Variants in CCSER1 observed in about 807,000 individuals in gnomAD.
CCSER1 encodes coiled-coil serine rich protein 1.
A neutral mutation model predicts 82.0 loss-of-function variants in CCSER1; 41 were observed. The ratio of observed to expected loss-of-function variants is 0.50; its 90% confidence interval spans 0.39 to 0.65. The LOEUF is 0.65. CCSER1 is among the 30% of genes least tolerant of loss of function. The pLI is 0.00. For synonymous variants in CCSER1, 414 were observed against 383.9 expected, an observed-to-expected ratio of 1.08 and a Z score of -0.92; for missense variants, 1,119 against 1,064.2, an observed-to-expected ratio of 1.05 and a Z score of -0.72.
intron 10 of CCSER1, among the ~76,000 whole-genome samples, chr4:91,373,308 T>C (rs962441465): frequency 3.9e-5 from 6 of 152,174 alleles, no homozygotes; most frequent in Non-Finnish European, 7.4e-5. Context: ...CGTTTTTACA[T>C]ATTGAAGGTT....
intron 3 of CCSER1, among the ~76,000 whole-genome samples, chr4:90,357,154 A>G (rs1744512497): frequency 6.6e-6 from 1 of 151,906 alleles, no homozygotes; most frequent in South Asian, 2.1e-4. Context: ...TCAGTGTTAT[A>G]TTACATAACT....
intron 8 of CCSER1, among the ~76,000 whole-genome samples, chr4:90,922,142 T>C (rs1488688961): frequency 1.3e-5 from 2 of 152,088 alleles, no homozygotes; most frequent in Non-Finnish European, 2.9e-5. Flanking sequence ...TGATGAGACT[T>C]TAATAGAACA....
At chr4:91,463,571 G>T (rs751308101) in intron 10 of CCSER1, among the ~76,000 whole-genome samples, 2 of 152,208 alleles carry the variant, frequency 1.3e-5, no homozygotes, top group Non-Finnish European at 1.5e-5. Flanking sequence ...AAAGGAGGAA[G>T]TTCGAACCCA....
intron 4 of CCSER1, among the ~76,000 whole-genome samples, chr4:90,409,286 A>G (rs541583410): frequency 6.6e-6 from 1 of 152,322 alleles, no homozygotes; most frequent in East Asian, 1.9e-4. Flanking sequence ...AGAACGCCAC[A>G]AAGATAATCC....
rs1200754143 is a variant in CCSER1, at chr4:90,691,525, A to G, written c.1933-32389A>G. On this transcript the variant is annotated intron_variant, in intron 6 of 10. Coordinates refer to ENST00000509176, the MANE Select transcript of CCSER1 (RefSeq NM_001145065.2). ...GTGTGTATATATTACATGTGTACAT[A>G]TCACACGTATAATACATGTGTACAT... 2.0e-5 allele frequency among the ~76,000 whole-genome samples: 3 copies of G among 150,452 alleles called. No individual in the cohort carries two copies. The East Asian group carries it at 6.1e-4, about 31-fold the overall frequency.
intron 8 of CCSER1, among the ~76,000 whole-genome samples, chr4:90,897,970 C>A (rs984636563): frequency 6.6e-6 from 1 of 151,602 alleles, no homozygotes; most frequent in South Asian, 2.1e-4. Flanking sequence ...TTTATTTTTT[C>A]TTGTTGATTG....
intron 5 of CCSER1, among the ~76,000 whole-genome samples, chr4:90,603,312 T>C (rs1264768748): frequency 6.6e-6 from 1 of 152,158 alleles, no homozygotes; most frequent in Non-Finnish European, 1.5e-5. Context: ...CATAAAAGTG[T>C]TTAATTATCA....
intron 1 of CCSER1, among the ~76,000 whole-genome samples, chr4:90,297,953 C>G (rs968597472): frequency 2.6e-5 from 4 of 152,046 alleles, no homozygotes; most frequent in South Asian, 2.1e-4. Flanking sequence ...GTCTAAAATT[C>G]TCTTTTTTGG....
At chr4:91,387,398 A>G (rs1300991926) in intron 10 of CCSER1, among the ~76,000 whole-genome samples, 2 of 152,006 alleles carry the variant, frequency 1.3e-5, no homozygotes, top group African/African-American at 4.8e-5. Flanking sequence ...AGTCCCTGAA[A>G]TCTTAATAAG....
At chr4:90,951,535 A>G (rs1268242872) in intron 9 of CCSER1, among the ~76,000 whole-genome samples, 3 of 152,066 alleles carry the variant, frequency 2.0e-5, no homozygotes, top group African/African-American at 7.2e-5. Context: ...CATTTCCATA[A>G]ATTCTACTAT....
chr4:91,563,491 ACT>A (rs1762749336), intron 10 of CCSER1, among the ~76,000 whole-genome samples: 1 of 151,596 alleles, frequency 6.6e-6, no homozygotes, highest in African/African-American at 2.4e-5. Context: ...CATGATCAAA[ACT>A]CTCTGCAAAT....
chr4:91,105,100 C>G (rs1471761327), intron 10 of CCSER1, among the ~76,000 whole-genome samples: 1 of 151,620 alleles, frequency 6.6e-6, no homozygotes, highest in Admixed American at 6.6e-5. Context: ...TCACTCTTTA[C>G]CTTCATATAG....
intron 9 of CCSER1, among the ~76,000 whole-genome samples, chr4:90,982,274 C>G (rs1736183688): frequency 1.3e-5 from 2 of 151,626 alleles, no homozygotes; most frequent in Admixed American, 1.3e-4. Context: ...TGACATCTTC[C>G]TCTTCTTTGA....
chr4:90,862,940 T>A (rs1180434236), intron 8 of CCSER1, among the ~76,000 whole-genome samples: 3 of 149,998 alleles, frequency 2.0e-5, no homozygotes, highest in Non-Finnish European at 4.4e-5. Flanking sequence ...ACAATTTCTT[T>A]TTATTATTAT....
intron 4 of CCSER1, among the ~76,000 whole-genome samples, chr4:90,408,447 C>T (rs1560469618): frequency 1.3e-5 from 2 of 152,184 alleles, no homozygotes; most frequent in African/African-American, 4.8e-5. Flanking sequence ...TCCAGAGGAA[C>T]GATTAAGCAG....
At chr4:90,745,591 T>A (rs7670480) in intron 7 of CCSER1, among the ~76,000 whole-genome samples, 1 of 151,792 alleles carries the variant, frequency 6.6e-6, no homozygotes, top group Admixed American at 6.6e-5. Context: ...CAATGCACAT[T>A]ACTTTTCCCC....
chr4:90,605,879 T>A (rs1221465575), intron 5 of CCSER1, among the ~76,000 whole-genome samples: 3 of 152,128 alleles, frequency 2.0e-5, no homozygotes, highest in African/African-American at 7.2e-5. Context: ...CTTAGAAATA[T>A]ATTTCTAGTT....
intron 6 of CCSER1, among the ~76,000 whole-genome samples, chr4:90,710,895 A>G (rs1740476859): frequency 6.6e-6 from 1 of 152,080 alleles, no homozygotes; most frequent in South Asian, 2.1e-4. Context: ...TGGGAATAGC[A>G]TTGAATGTAT....
At chr4:91,467,938 G>C (rs1043330366) in intron 10 of CCSER1, among the ~76,000 whole-genome samples, 27 of 152,214 alleles carry the variant, frequency 1.8e-4, no homozygotes, top group African/African-American at 6.5e-4. Context: ...GTGGAAGACA[G>C]TGTGGCGATT....
Sources: allele counts gnomAD v4.1 joint callset (sites outside exome capture counted in the v4.1 genomes callset), GRCh38; gene constraint gnomAD v4.1.1; transcripts MANE v1.5; gene names NCBI Gene and HGNC (gene_info 2026-07-23, HGNC 2026-07-21).